Variants in SCO1 observed in about 807,000 individuals in gnomAD.
SCO1 encodes synthesis of cytochrome C oxidase 1.
A neutral mutation model predicts 34.0 loss-of-function variants in SCO1; 23 were observed. The observed-to-expected ratio is 0.68, with a 90% CI of 0.49 to 0.96. The LOEUF (loss-of-function observed/expected upper bound fraction) is 0.96. SCO1 is among the 40% of genes least tolerant of loss of function. The pLI is 0.00. For synonymous variants in SCO1, 161 were observed against 145.5 expected (o/e 1.11, Z -0.77); for missense variants, 404 against 381.6 (o/e 1.06, Z -0.49).
At chr17:10,693,431 GAA>G (rs1295907853) in intron 2 of SCO1, among the ~76,000 whole-genome samples, 3 of 152,190 alleles carry the variant, frequency 2.0e-5, no homozygotes, top group Non-Finnish European at 4.4e-5. Flanking sequence ...ATATTAAAGA[GAA>G]GAGAGTTACA....
rs1426464877 is a variant in SCO1, at chr17:10,673,926, TGA to T, written c.*7191_*7192del. On this transcript the variant is annotated 3_prime_UTR_variant, in exon 6 of 6. Coordinates refer to ENST00000255390, the MANE Select transcript of SCO1 (RefSeq NM_004589.4). The stretch of plus-strand genomic sequence containing the variant: ...TATCAGAAAATGGAATTTGTTTATT[TGA>T]GAGACTCTTCAAATTGTGTTTCATG... 4 of 152,262 alleles carry T rather than the reference TGA, an allele frequency of 2.6e-5. No individual in the cohort carries two copies. The highest frequency in any genetic ancestry group is 2.0e-4 in the Admixed American group (3 of 15,288). The allele number at this position is 152,262 out of a possible 1,614,324, so 9.4% of individuals were successfully genotyped here.
chr17:10,686,680 G>A, intron 5 of SCO1, 47 bp downstream of exon 5: 1 of 1,106,646 alleles, frequency 9.0e-7, no homozygotes, highest in Non-Finnish European at 1.4e-6. Context: ...ATGACTATTT[G>A]GGATCTGGGA....
At chr17:10,683,197 T>C (rs1434458945) in intron 5 of SCO1, among the ~76,000 whole-genome samples, 1 of 152,168 alleles carries the variant, frequency 6.6e-6, no homozygotes, top group Non-Finnish European at 1.5e-5. Flanking sequence ...ATTCTCTGCA[T>C]CTACTATGTG....
chr17:10,697,085 T>G, intron 1 of SCO1, 150 bp downstream of exon 1: 5 of 734,678 alleles, frequency 6.8e-6, no homozygotes, highest in Non-Finnish European at 1.1e-5. Flanking sequence ...AAATGTAGGA[T>G]GAAATTCCAT....
At chr17:10,693,396 C>T (rs9900120) in intron 2 of SCO1, among the ~76,000 whole-genome samples, 51,506 of 151,642 alleles carry the variant, frequency 0.34, 9,895 homozygotes, top group Non-Finnish European at 0.42. Flanking sequence ...TAGTTACACA[C>T]AGGAAATTGA....
Position 10,677,587 on chromosome 17 carries a change from C to T in SCO1, c.*3532G>A, listed in dbSNP as rs772832175. ...CGCATTTACAATTTAAAATCATTAGCCTCCCAACTCGCATATTTTACTGGT... is the reference window on the plus strand; with the variant it reads ...CGCATTTACAATTTAAAATCATTAGTCTCCCAACTCGCATATTTTACTGGT... On this transcript the variant is annotated 3_prime_UTR_variant, in exon 6 of 6. Coordinates refer to ENST00000255390, the MANE Select transcript of SCO1 (RefSeq NM_004589.4). 1 of 152,116 alleles carries T rather than the reference C, an allele frequency of 6.6e-6. No homozygotes were observed. Among genetic ancestry groups the T allele is most frequent in the Non-Finnish European group, 1.5e-5 (1 of 68,020 alleles). The allele number at this position is 152,116 out of a possible 1,614,324, so 9.4% of individuals were successfully genotyped here.
rs1219800877 is a variant in SCO1, at chr17:10,677,501, C to T, written c.*3618G>A. On this transcript the variant is annotated 3_prime_UTR_variant, in exon 6 of 6. Coordinates refer to ENST00000255390, the MANE Select transcript of SCO1 (RefSeq NM_004589.4). ...ATGGATGATTTGAAAATATTAATGT[C>T]AATTTCTTTTAAACATAAATTTAAG... 2.0e-5 allele frequency: 3 copies of T among 152,122 alleles called. No homozygotes were observed. The allele number at this position is 152,122 out of a possible 1,614,324, so 9.4% of individuals were successfully genotyped here. A position where few individuals can be genotyped will look rare whatever the true frequency, so the allele number is the denominator to read the frequency against.
intron 4 of SCO1, among the ~76,000 whole-genome samples, chr17:10,688,374 C>A (rs369151820): frequency 7.2e-5 from 11 of 152,058 alleles, no homozygotes; most frequent in African/African-American, 2.2e-4. Context: ...ATACAGATGG[C>A]AAATAAGAGC....
At chr17:10,694,282 G>T (rs191006001) in intron 2 of SCO1, among the ~76,000 whole-genome samples, 156 of 152,276 alleles carry the variant, frequency 1.0e-3, no homozygotes, top group African/African-American at 3.6e-3. Context: ...TAAAGCCTGG[G>T]AAACTGTTAC....
intron 5 of SCO1, among the ~76,000 whole-genome samples, chr17:10,683,110 CT>C (rs540313826): frequency 5.9e-5 from 9 of 152,190 alleles, no homozygotes; most frequent in South Asian, 2.1e-4. Context: ...GTCCCTCCCC[CT>C]CTTCACACCC....
intron 2 of SCO1, 138 bp from the exon 3 acceptor site, chr17:10,693,099 G>A: frequency 7.1e-6 from 5 of 700,312 alleles, no homozygotes; most frequent in Admixed American, 2.8e-5. Flanking sequence ...CAGTTTTCAA[G>A]AAGCTAAAAA....
rs1401755146 is a variant in SCO1 at position 10,677,610 on chromosome 17, G to A, written c.*3509C>T. On this transcript the variant is annotated 3_prime_UTR_variant, in exon 6 of 6. Transcript: ENST00000255390. Reference sequence around the variant, plus strand: ...AGCCTCCCAACTCGCATATTTTACTGGTAGTCAGTAAATCTCACCTCTTAC... The same window carrying A: ...AGCCTCCCAACTCGCATATTTTACTAGTAGTCAGTAAATCTCACCTCTTAC... 1 of 152,128 alleles carries A rather than the reference G, an allele frequency of 6.6e-6. No individual in the cohort carries two copies. Among genetic ancestry groups the A allele is most frequent in the Non-Finnish European group, 1.5e-5 (1 of 68,020 alleles). The allele number at this position is 152,128 out of a possible 1,614,324, so 9.4% of individuals were successfully genotyped here. A position where few individuals can be genotyped will look rare whatever the true frequency, so the allele number is the denominator to read the frequency against.
chr17:10,684,387 C>A (rs1280786460), intron 5 of SCO1, among the ~76,000 whole-genome samples: 1 of 152,114 alleles, frequency 6.6e-6, no homozygotes. Context: ...GCAAGGCAGG[C>A]TACACGATTA....
intron 2 of SCO1, among the ~76,000 whole-genome samples, chr17:10,695,089 C>T (rs1381782989): frequency 6.6e-6 from 1 of 152,192 alleles, no homozygotes; most frequent in Non-Finnish European, 1.5e-5. Flanking sequence ...TTTCAAGATG[C>T]TAATCCAGAG....
chr17:10,690,418 C>A (rs2074682571), intron 4 of SCO1, among the ~76,000 whole-genome samples: 1 of 152,062 alleles, frequency 6.6e-6, no homozygotes, highest in Non-Finnish European at 1.5e-5. Context: ...ATACAGATGG[C>A]CAACAAGTAT....
At chr17:10,691,122 T>C (rs984934025) in intron 4 of SCO1, among the ~76,000 whole-genome samples, 1 of 152,140 alleles carries the variant, frequency 6.6e-6, no homozygotes, top group Non-Finnish European at 1.5e-5. Context: ...TCATAGTAAA[T>C]GTTTTATTTA....
intron 5 of SCO1, among the ~76,000 whole-genome samples, chr17:10,684,421 G>C (rs1340010254): frequency 6.6e-6 from 1 of 152,202 alleles, no homozygotes; most frequent in Non-Finnish European, 1.5e-5. Context: ...ATTTTAAATA[G>C]AAAATGCAGA....
intron 2 of SCO1, 96 bp from the exon 3 acceptor site, chr17:10,693,057 G>T: frequency 1.0e-6 from 1 of 997,388 alleles, no homozygotes; most frequent in Non-Finnish European, 1.5e-6. Context: ...TGCTACTCAT[G>T]GTGGGGGCAC....
In SCO1 at chr17:10,680,894, C is replaced by A. The variant is rs1048066891; in HGVS notation, c.*225G>T. ...TCACTTCAGCTTGATCCTCTGGTCTCCCCACAGCTTCCTGGGAGACTTTGG... is the reference window on the plus strand; with the variant it reads ...TCACTTCAGCTTGATCCTCTGGTCTACCCACAGCTTCCTGGGAGACTTTGG... On this transcript the variant is annotated 3_prime_UTR_variant, in exon 6 of 6. Coordinates refer to ENST00000255390, the MANE Select transcript of SCO1 (RefSeq NM_004589.4). 3.3e-5 allele frequency: 19 copies of A among 579,840 alleles called. No homozygotes were observed. The Admixed American group carries it at 5.3e-4, about 16-fold the overall frequency. The allele number at this position is 579,840 out of a possible 1,614,324, so 35.9% of individuals were successfully genotyped here. A position where few individuals can be genotyped will look rare whatever the true frequency, so the allele number is the denominator to read the frequency against.
Sources: gnomAD v4.1 joint callset for allele counts (sites outside exome capture counted in the v4.1 genomes callset) on GRCh38, gnomAD v4.1.1 for gene constraint, MANE v1.5 for transcripts, NCBI Gene and HGNC (gene_info 2026-07-23, HGNC 2026-07-21) for gene names.